The following TIAM1 variants were observed in gnomAD, a reference collection of about 807,000 sequenced individuals.
The protein encoded by TIAM1 is rho guanine nucleotide exchange factor TIAM1.
In TIAM1, 65 loss-of-function variants were observed where a neutral mutation model predicts 163.5. That is an observed-to-expected ratio of 0.40 (90% CI 0.33 to 0.49). The LOEUF is 0.49. Ranked by LOEUF, TIAM1 falls within the 20% of genes least tolerant of loss-of-function variation. TIAM1 has a pLI of 0.77. For missense variants in TIAM1, 1,789 were observed against 2,044.7 expected (o/e 0.87, Z 2.41); for synonymous variants, 833 against 810.1 (o/e 1.03, Z -0.48).
chr21:31,155,715 A>T lies in TIAM1; in HGVS notation c.2992-1289T>A, dbSNP rs543571966. Reference sequence around the variant, plus strand: ...GAGACGGGATTTCAACATGTTGGCCAGGATGGTCTCAATCTGACCTTGTGA... The same window carrying T: ...GAGACGGGATTTCAACATGTTGGCCTGGATGGTCTCAATCTGACCTTGTGA... On this transcript the variant is annotated intron_variant, in intron 16 of 27. Transcript: ENST00000541036. 5.3e-5 allele frequency among the ~76,000 whole-genome samples: 8 copies of T among 152,284 alleles called. No homozygotes were observed. In the South Asian group the frequency reaches 1.0e-3, roughly 20 times the overall value.
intron 2 of TIAM1, among the ~76,000 whole-genome samples, chr21:31,453,871 C>T (rs2044982654): frequency 6.6e-6 from 1 of 152,084 alleles, no homozygotes; most frequent in Admixed American, 6.6e-5. Context: ...CTCGCTGAAC[C>T]TTCTATACGC....
chr21:31,314,404 T>C (rs1264299941), intron 2 of TIAM1, among the ~76,000 whole-genome samples: 1 of 152,182 alleles, frequency 6.6e-6, no homozygotes, highest in Non-Finnish European at 1.5e-5. Flanking sequence ...TCTTTGACCC[T>C]ACCTATGAAG....
In TIAM1 at chr21:31,387,253, GC is replaced by G. The variant is rs1367934789; in HGVS notation, c.-368-47832del. On this transcript the variant is annotated intron_variant, in intron 2 of 28. Coordinates refer to the TIAM1 transcript ENST00000286827. ...GGGGGCACAGTTGAGACAGGGTCTCGCTCGTGTCGTCCAGGCTGGAGTGCAG... is the reference window on the plus strand; with the variant it reads ...GGGGGCACAGTTGAGACAGGGTCTCGTCGTGTCGTCCAGGCTGGAGTGCAG... Among the ~76,000 whole-genome samples the G allele has an allele frequency of 1.1e-4, 14 of 132,054 alleles. No individual in the cohort carries two copies. In the Admixed American group the frequency reaches 1.2e-3, roughly 12 times the overall value. The allele number at this position is 132,054 out of a possible 152,430, so 86.6% of individuals were successfully genotyped here.
intron 4 of TIAM1, among the ~76,000 whole-genome samples, chr21:31,265,201 C>CT (rs781091105): frequency 0.037 from 4,103 of 109,880 alleles, 118 homozygotes; most frequent in African/African-American, 0.046. Flanking sequence ...CTTTCAAAAT[C>CT]TTTTTTTTTT....
In TIAM1 at chr21:31,120,686, C is replaced by A. The variant is rs2081967641; in HGVS notation, c.4458G>T (p.Glu1486Asp). ...GGGDTDRWVE[E>D]QFDLAQYEEQ... ...CCTCATACTGAGCAAGATCAAACTGCTCCTCTACCCATCGGTCAGTGTCCC... is the reference window on the plus strand; with the variant it reads ...CCTCATACTGAGCAAGATCAAACTGATCCTCTACCCATCGGTCAGTGTCCC... The change falls in exon 28 of 28, where the codon GAG (glutamate) becomes GAT (aspartate). Residue 1486 changes from glutamate (E) to aspartate (D), a missense_variant. Around this residue, in one of 5 missense-constraint regions of TIAM1, gnomAD observed 415 missense variants for 439.2 expected, o/e 0.94. Coordinates refer to ENST00000541036, the MANE Select transcript of TIAM1 (RefSeq NM_001353694.2). This position sits in a 1 kb window ranked among gnomAD's most constrained non-coding sequence, Gnocchi z 4.2. 1.2e-6 allele frequency: 2 copies of A among 1,613,982 alleles called. No homozygotes were observed. Among genetic ancestry groups the A allele is most frequent in the African/African-American group, 2.7e-5 (2 of 74,908 alleles).
At chr21:31,510,250 G>A (rs8132656) in intron 1 of TIAM1, among the ~76,000 whole-genome samples, 30,905 of 152,148 alleles carry the variant, frequency 0.2, 3,301 homozygotes, top group Middle Eastern at 0.28. Context: ...TCCTCGGCTG[G>A]CAGATGGCTG....
At chr21:31,519,305 C>CAAAAA (rs369132676) in intron 1 of TIAM1, among the ~76,000 whole-genome samples, 7 of 53,112 alleles carry the variant, frequency 1.3e-4, no homozygotes, top group Non-Finnish European at 1.7e-4. Context: ...AACTCTGTCT[C>CAAAAA]AAAAAAAAAA....
At chr21:31,207,810 G>A (rs1049534555) in intron 11 of TIAM1, among the ~76,000 whole-genome samples, 3 of 152,136 alleles carry the variant, frequency 2.0e-5, no homozygotes, top group East Asian at 1.9e-4. Context: ...GGCTGCTCTC[G>A]AACTCCTGGC....
intron 6 of TIAM1, among the ~76,000 whole-genome samples, chr21:31,239,769 A>G (rs2071070862): frequency 6.6e-6 from 1 of 152,242 alleles, no homozygotes; most frequent in South Asian, 2.1e-4. Context: ...ATGGTCATTA[A>G]GCGCATGAAT....
intron 2 of TIAM1, among the ~76,000 whole-genome samples, chr21:31,434,134 T>G (rs2044132400): frequency 6.7e-6 from 1 of 148,524 alleles, no homozygotes; most frequent in South Asian, 2.1e-4. Flanking sequence ...ATCCCTATTT[T>G]TAAAGAAAAA....
chr21:31,314,961 T>A (rs2075055406), intron 2 of TIAM1, among the ~76,000 whole-genome samples: 1 of 152,226 alleles, frequency 6.6e-6, no homozygotes, highest in South Asian at 2.1e-4. Context: ...TCTACCAGCT[T>A]TATAAAGGTG....
chr21:31,446,783 G>A (rs117965256), intron 2 of TIAM1, among the ~76,000 whole-genome samples: 6,187 of 152,248 alleles, frequency 0.041, 202 homozygotes, highest in East Asian at 0.081. Flanking sequence ...AAATGTTATC[G>A]ATGTGCTGCA....
At chr21:31,508,236 G>A (rs1278953001) in intron 1 of TIAM1, among the ~76,000 whole-genome samples, 2 of 152,174 alleles carry the variant, frequency 1.3e-5, no homozygotes, top group Non-Finnish European at 2.9e-5. Context: ...TGCATTGCTT[G>A]ACGCTTCCCC....
chr21:31,421,371 G>A (rs568494735), intron 2 of TIAM1, among the ~76,000 whole-genome samples: 35 of 152,146 alleles, frequency 2.3e-4, no homozygotes, highest in Non-Finnish European at 4.9e-4. Flanking sequence ...TAACCCTCGG[G>A]CTGCTGACCG....
At chr21:31,490,679 C>G (rs2046435035) in intron 1 of TIAM1, among the ~76,000 whole-genome samples, 1 of 152,176 alleles carries the variant, frequency 6.6e-6, no homozygotes, top group Admixed American at 6.5e-5. Flanking sequence ...ACCAATGGAA[C>G]AAGACAGGAA....
At chr21:31,312,042 C>T (rs763548344) in intron 2 of TIAM1, among the ~76,000 whole-genome samples, 4 of 152,234 alleles carry the variant, frequency 2.6e-5, no homozygotes, top group Non-Finnish European at 4.4e-5. Context: ...TGGACTTACA[C>T]CAGTGATTTG....
intron 19 of TIAM1, among the ~76,000 whole-genome samples, chr21:31,148,674 G>T (rs1312479183): frequency 6.6e-6 from 1 of 152,128 alleles, no homozygotes; most frequent in East Asian, 1.9e-4. Context: ...CATAACCACA[G>T]ATGAAACACT....
chr21:31,267,115 C>T (rs920058978), intron 3 of TIAM1, 132 bp from the exon 4 acceptor site: 2 of 1,272,644 alleles, frequency 1.6e-6, no homozygotes, highest in African/African-American at 3.0e-5. Flanking sequence ...TAAGTAACAG[C>T]ACAACTTCCT....
intron 1 of TIAM1, among the ~76,000 whole-genome samples, chr21:31,520,938 C>T (rs778734466): frequency 1.8e-4 from 27 of 152,300 alleles, no homozygotes; most frequent in Non-Finnish European, 2.6e-4. Flanking sequence ...ATAAGGTAAC[C>T]GTAAATCCTG....
Sources: gnomAD v4.1 joint callset for allele counts (sites outside exome capture counted in the v4.1 genomes callset) on GRCh38, gnomAD v4.1.1 for gene constraint, gnomAD v4.1.1 regional missense constraint, Gnocchi (gnomAD v3.1) non-coding constraint, MANE v1.5 for transcripts, NCBI Gene and HGNC (gene_info 2026-07-23, HGNC 2026-07-21) for gene names.